Variants in CCDC171 observed in about 807,000 individuals in gnomAD.
CCDC171 encodes the protein coiled-coil domain containing 171.
A neutral mutation model predicts 168.2 loss-of-function variants in CCDC171; 177 were observed. That is an observed-to-expected ratio of 1.05 (90% CI 0.93 to 1.19). The LOEUF is 1.19. Ranked by LOEUF, CCDC171 falls within the 50% of genes most tolerant of loss-of-function variation. The pLI is 0.00. For synonymous variants in CCDC171, 687 were observed against 540.8 expected (o/e 1.27, Z -3.75); for missense variants, 1,991 against 1,539.0 (o/e 1.29, Z -4.91).
intron 1 of CCDC171, among the ~76,000 whole-genome samples, chr9:16,053,213 C>T (rs1343045389): frequency 6.6e-6 from 1 of 152,262 alleles, no homozygotes; most frequent in Non-Finnish European, 1.5e-5. Context: ...AACTTGAAAC[C>T]TGCAGTGCTC....
At chr9:15,558,757 T>C (rs1182629785) in intron 1 of CCDC171, among the ~76,000 whole-genome samples, 1 of 152,184 alleles carries the variant, frequency 6.6e-6, no homozygotes, top group Non-Finnish European at 1.5e-5. Context: ...ATCTTAGTTA[T>C]TTCTTGCCTT....
rs985392120 is a variant in CCDC171, at chr9:15,745,919, A to G, written c.2671+288A>G. Among the ~76,000 whole-genome samples the G allele has an allele frequency of 2.0e-5, 3 of 152,076 alleles. No homozygotes were observed. In the South Asian group the frequency reaches 6.2e-4, roughly 32 times the overall value. ...CTCATCATCAGCTTTTTATTAAGTA[A>G]TACTGGCAATGTTTTTTCATATGTT... On this transcript the variant is annotated intron_variant, in intron 18 of 25. Coordinates refer to ENST00000380701, the MANE Select transcript of CCDC171 (RefSeq NM_173550.4).
At chr9:16,069,881 A>G in the CCDC171 span, among the ~76,000 whole-genome samples, 6,097 of 152,256 alleles carry the variant, frequency 0.04, 382 homozygotes, top group African/African-American at 0.13. Context: ...AGTTGCTGTC[A>G]GCCCTTCCCA....
chr9:15,717,351 T>A (rs977368842), intron 11 of CCDC171, among the ~76,000 whole-genome samples: 7 of 152,172 alleles, frequency 4.6e-5, no homozygotes, highest in Non-Finnish European at 8.8e-5. Flanking sequence ...TGACAAGCCT[T>A]GCCACTGTGG....
At chr9:15,708,555 T>G (rs2052420458) in intron 11 of CCDC171, among the ~76,000 whole-genome samples, 1 of 152,188 alleles carries the variant, frequency 6.6e-6, no homozygotes, top group Admixed American at 6.5e-5. Context: ...CTCCCCATCT[T>G]TCTTTCAACT....
intron 3 of CCDC171, among the ~76,000 whole-genome samples, chr9:15,988,840 C>T (rs931753782): frequency 5.9e-5 from 9 of 152,166 alleles, no homozygotes; most frequent in African/African-American, 1.9e-4. Context: ...GCTAGCACAG[C>T]AGTCTGAGAT....
intron 18 of CCDC171, among the ~76,000 whole-genome samples, chr9:15,757,571 T>C (rs2056199058): frequency 6.6e-6 from 1 of 152,206 alleles, no homozygotes; most frequent in South Asian, 2.1e-4. Flanking sequence ...TGAGGAGAAA[T>C]TCAAGTGGGC....
At chr9:16,092,777 A>G in the CCDC171 span, among the ~76,000 whole-genome samples, 1 of 152,156 alleles carries the variant, frequency 6.6e-6, no homozygotes, top group Non-Finnish European at 1.5e-5. Context: ...AGAGATCTGG[A>G]CCACCATGTG....
intron 9 of CCDC171, among the ~76,000 whole-genome samples, chr9:15,677,372 A>G (rs1474258302): frequency 1.3e-5 from 2 of 152,180 alleles, no homozygotes; most frequent in Non-Finnish European, 2.9e-5. Context: ...AGTTAACACT[A>G]GAATTGTCTG....
chr9:15,554,349 C>T (rs963783755), intron 1 of CCDC171, among the ~76,000 whole-genome samples: 11 of 152,170 alleles, frequency 7.2e-5, no homozygotes, highest in Non-Finnish European at 1.5e-4. Flanking sequence ...CTGTTAGTTC[C>T]TACTCTCAAC....
chr9:15,566,776 C>T (rs1009363715), intron 2 of CCDC171, among the ~76,000 whole-genome samples: 1 of 152,052 alleles, frequency 6.6e-6, no homozygotes, highest in Non-Finnish European at 1.5e-5. Flanking sequence ...GATTTTTCTT[C>T]TATGTTTTCT....
chr9:15,721,607 T>A (rs771679248), intron 11 of CCDC171, among the ~76,000 whole-genome samples, 162 bp from the exon 12 acceptor site: 1 of 141,942 alleles, frequency 7.0e-6, no homozygotes, highest in African/African-American at 2.8e-5. Flanking sequence ...AAAATTCTAT[T>A]CAAGAATTTT....
chr9:15,867,533 G>C (rs2061842134), intron 23 of CCDC171, among the ~76,000 whole-genome samples: 1 of 151,950 alleles, frequency 6.6e-6, no homozygotes, highest in African/African-American at 2.4e-5. Flanking sequence ...GGACACACAG[G>C]TGTTAACACA....
At chr9:15,707,015 T>G (rs1019438820) in intron 11 of CCDC171, among the ~76,000 whole-genome samples, 2 of 152,348 alleles carry the variant, frequency 1.3e-5, no homozygotes, top group Admixed American at 6.5e-5. Context: ...CTACACCTAG[T>G]ATCCTCTTGA....
upstream of CCDC171, among the ~76,000 whole-genome samples, chr9:16,039,868 G>T (rs1256150052): frequency 1.3e-5 from 2 of 151,892 alleles, no homozygotes; most frequent in Non-Finnish European, 2.9e-5. Context: ...GTAATGGGGT[G>T]GGGGGTGGAG....
chr9:15,966,685 C>T (rs887684135), intron 25 of CCDC171, among the ~76,000 whole-genome samples: 1 of 152,160 alleles, frequency 6.6e-6, no homozygotes, highest in Admixed American at 6.5e-5. Flanking sequence ...AATGCAACTT[C>T]TTTGCATTTT....
chr9:15,940,547 T>C (rs1164521345), intron 25 of CCDC171, among the ~76,000 whole-genome samples: 1 of 152,012 alleles, frequency 6.6e-6, no homozygotes, highest in Non-Finnish European at 1.5e-5. Context: ...AAAAAGGTAC[T>C]ATCTATCATC....
intron 6 of CCDC171, among the ~76,000 whole-genome samples, chr9:15,611,905 A>C (rs987853648): frequency 6.6e-6 from 1 of 152,102 alleles, no homozygotes; most frequent in Non-Finnish European, 1.5e-5. Flanking sequence ...TGCCATTGTG[A>C]TGGTATTAGG....
intron 7 of CCDC171, among the ~76,000 whole-genome samples, chr9:15,644,259 G>C (rs2046863719): frequency 1.3e-5 from 2 of 152,018 alleles, no homozygotes; most frequent in Non-Finnish European, 1.5e-5. Context: ...TAGCCATCTG[G>C]TTTTGGTCCA....
Sources: gnomAD v4.1 joint callset for allele counts (sites outside exome capture counted in the v4.1 genomes callset) on GRCh38, gnomAD v4.1.1 for gene constraint, MANE v1.5 for transcripts, NCBI Gene and HGNC (gene_info 2026-07-23, HGNC 2026-07-21) for gene names.